The following FRMPD4 variants were observed in gnomAD, a reference collection of about 807,000 sequenced individuals.
FRMPD4 encodes the protein FERM and PDZ domain-containing protein 4.
Under a neutral mutation model 94.1 loss-of-function variants are expected in FRMPD4, and 22 were observed. That is an observed-to-expected ratio of 0.23 (90% CI 0.17 to 0.33). The LOEUF (loss-of-function observed/expected upper bound fraction) is 0.33, where lower values mean the gene tolerates loss of function less well. Ranked by LOEUF, FRMPD4 falls within the 10% of genes least tolerant of loss-of-function variation. FRMPD4 has a pLI of 1.00. For synonymous variants in FRMPD4, 631 were observed against 548.6 expected, an observed-to-expected ratio of 1.15 and a Z score of -2.10; for missense variants, 1,111 against 1,339.9, an observed-to-expected ratio of 0.83 and a Z score of 2.67.
chrX:12,221,284 AACCACC>A (rs1360708082), intron 1 of FRMPD4, among the ~76,000 whole-genome samples: 5 of 112,406 alleles, frequency 4.4e-5, no homozygotes, highest in African/African-American at 6.5e-5. Context: ...AAACAACAAC[AACCACC>A]ACCACTACCA....
chrX:12,230,986 T>TATATATA (rs3063516), intron 1 of FRMPD4, among the ~76,000 whole-genome samples: 7,908 of 42,411 alleles, frequency 0.19, 1,111 homozygotes, highest in Non-Finnish European at 0.24. Context: ...ATATATATAG[T>TATATATA]ATATATAGTA....
chrX:12,703,080 A>G (rs1488749748), intron 10 of FRMPD4, among the ~76,000 whole-genome samples: 2 of 112,882 alleles, frequency 1.8e-5, no homozygotes, highest in Non-Finnish European at 3.7e-5. Context: ...CAGGTTGAAC[A>G]TTGTATGGTC....
intron 4 of FRMPD4, among the ~76,000 whole-genome samples, chrX:12,628,160 T>G (rs961344041): frequency 9.8e-5 from 11 of 111,777 alleles, no homozygotes; most frequent in Admixed American, 9.5e-5. Context: ...CACTCAGATG[T>G]GAGAGAAGTG....
At chrX:12,009,946 G>C (rs908365496) in intron 3 of FRMPD4, among the ~76,000 whole-genome samples, 2 of 111,661 alleles carry the variant, frequency 1.8e-5, no homozygotes, top group Non-Finnish European at 3.8e-5. Context: ...TTAAATGACT[G>C]GTTCTCATAA....
rs181164609 is a variant in FRMPD4, at chrX:12,419,607, G to A, written c.42-79073G>A. 7.8e-4 allele frequency among the ~76,000 whole-genome samples: 87 copies of A among 111,570 alleles called. 1 individual carries two copies. In the East Asian group the frequency reaches 0.023, roughly 29 times the overall value. ...CAGAGTGGAAAGGAGTCCTGAGGGT[G>A]AAATGGTTGAGAAGTGCTGGTCTAA... On this transcript the variant is annotated intron_variant, in intron 1 of 16. Transcript: ENST00000675598.
At chrX:12,354,950 G>T (rs1181202889) in intron 1 of FRMPD4, among the ~76,000 whole-genome samples, 1 of 112,012 alleles carries the variant, frequency 8.9e-6, no homozygotes. Flanking sequence ...TTTACTGTGT[G>T]AATTTCTACG....
chrX:12,223,399 T>C (rs779063499), intron 1 of FRMPD4, among the ~76,000 whole-genome samples: 73 of 111,814 alleles, frequency 6.5e-4, no homozygotes, highest in Non-Finnish European at 1.1e-3. Flanking sequence ...GAGCTAAACA[T>C]TGAGTACACA....
In FRMPD4 at chrX:12,718,468, A is replaced by G. The variant is rs771360588; in HGVS notation, c.3642A>G (p.Gln1214=). ...GCCATTTTTCTCTGCAGAGCTCCCA[A>G]GGCTCTTCAGTGGATGCAGGCTGTG... ...SEGHFSLQSS[Q]GSSVDAGCGT... is the part of the protein sequence containing the mutation. The change falls in exon 16 of 17, where the codon CAA becomes CAG. Residue 1214 remains glutamine, a synonymous_variant. Transcript: ENST00000675598. The G allele has an allele frequency of 8.3e-7, 1 of 1,206,134 alleles. No individual in the cohort carries two copies. Among genetic ancestry groups the G allele is most frequent in the Non-Finnish European group, 1.1e-6 (1 of 890,256 alleles).
At chrX:12,674,346 T>A (rs1170056543) in intron 4 of FRMPD4, among the ~76,000 whole-genome samples, 1 of 111,687 alleles carries the variant, frequency 9.0e-6, no homozygotes, top group Non-Finnish European at 1.9e-5. Context: ...ATTTTTTTCA[T>A]AAGAAACCTA....
upstream of FRMPD4, among the ~76,000 whole-genome samples, chrX:12,134,218 C>T (rs1163977442): frequency 8.9e-6 from 1 of 112,195 alleles, no homozygotes; most frequent in Non-Finnish European, 1.9e-5. Context: ...GCCACCTAGC[C>T]ACTCCCTTTC....
chrX:12,417,039 G>C (rs1000709205), intron 1 of FRMPD4, among the ~76,000 whole-genome samples: 1 of 111,228 alleles, frequency 9.0e-6, no homozygotes, highest in Non-Finnish European at 1.9e-5. Flanking sequence ...GCTCGGCTCA[G>C]ACCTCTTCCG....
At chrX:12,164,991 C>T (rs752429646) in intron 1 of FRMPD4, among the ~76,000 whole-genome samples, 7 of 111,524 alleles carry the variant, frequency 6.3e-5, no homozygotes, top group Non-Finnish European at 1.1e-4. Flanking sequence ...TTCTCCCATT[C>T]TGTAGGTTGT....
chrX:12,557,065 A>C (rs1172325437), intron 2 of FRMPD4, among the ~76,000 whole-genome samples: 1 of 112,035 alleles, frequency 8.9e-6, no homozygotes, highest in Non-Finnish European at 1.9e-5. Context: ...TGGGCCTCCC[A>C]AAGTGCTGGG....
intron 1 of FRMPD4, among the ~76,000 whole-genome samples, chrX:12,153,462 G>A (rs2055890387): frequency 1.8e-5 from 2 of 111,956 alleles, no homozygotes; most frequent in African/African-American, 6.5e-5. Context: ...AGAATAGAGT[G>A]TTTAAGTAAG....
intron 1 of FRMPD4, among the ~76,000 whole-genome samples, chrX:12,330,766 G>A (rs1011906301): frequency 9.0e-6 from 1 of 111,043 alleles, no homozygotes; most frequent in Non-Finnish European, 1.9e-5. Context: ...TGACACCCTC[G>A]TGATGCTCCC....
At chrX:12,549,915 C>T (rs770050798) in intron 2 of FRMPD4, among the ~76,000 whole-genome samples, 1 of 112,280 alleles carries the variant, frequency 8.9e-6, no homozygotes, top group African/African-American at 3.2e-5. Flanking sequence ...GACACCATAA[C>T]AGTTTTTAAA....
chrX:12,290,209 A>G (rs764914375), intron 1 of FRMPD4, among the ~76,000 whole-genome samples: 1 of 112,226 alleles, frequency 8.9e-6, no homozygotes, highest in East Asian at 2.8e-4. Context: ...TTCATGCTGT[A>G]CGGAGCAGAG....
At chrX:11,857,088 C>T (rs767844903) in intron 1 of FRMPD4, among the ~76,000 whole-genome samples, 40 of 112,100 alleles carry the variant, frequency 3.6e-4, no homozygotes, top group African/African-American at 1.3e-3. Context: ...ACATGACATG[C>T]TCATGGATAG....
intron 2 of FRMPD4, among the ~76,000 whole-genome samples, chrX:12,529,388 A>C (rs184810021): frequency 1.8e-5 from 2 of 112,794 alleles, no homozygotes; most frequent in East Asian, 5.6e-4. Flanking sequence ...CAATCTAATC[A>C]TAGAAGTGAT....
Sources: allele counts gnomAD v4.1 joint callset (sites outside exome capture counted in the v4.1 genomes callset), GRCh38; gene constraint gnomAD v4.1.1; transcripts MANE v1.5; gene names NCBI Gene and HGNC (gene_info 2026-07-23, HGNC 2026-07-21).